STK32A: variants seen among roughly 807,000 people sequenced by gnomAD.
STK32A encodes the protein serine/threonine-protein kinase 32A.
In STK32A, 41 loss-of-function variants were observed where a neutral mutation model predicts 53.2. The ratio of observed to expected loss-of-function variants is 0.77; its 90% CI spans 0.60 to 1.00. The LOEUF (loss-of-function observed/expected upper bound fraction) is 1.00, where lower values mean the gene tolerates loss of function less well. Ranked by LOEUF, STK32A falls within the 50% of genes least tolerant of loss-of-function variation. The pLI, the probability that STK32A is intolerant of heterozygous loss-of-function variation, is 0.00. For synonymous variants in STK32A, 166 were observed against 162.8 expected (o/e 1.02, Z -0.15); for missense variants, 458 against 485.8 (o/e 0.94, Z 0.54).
At chr5:147,313,657 C>T (rs910367033) in intron 4 of STK32A, among the ~76,000 whole-genome samples, 15 of 152,190 alleles carry the variant, frequency 9.9e-5, no homozygotes, top group African/African-American at 3.6e-4. Context: ...AGTTGGAGGG[C>T]TCATACTTTT....
At position 147,314,742 on chromosome 5, in the gene STK32A, T is replaced by TTTC. The variant is rs1467741266; in HGVS notation, c.261-9154_261-9153insCTT. On this transcript the variant is annotated intron_variant, in intron 4 of 12. Transcript: ENST00000397936. ...TTCATACCTATTGCTTTCTTTTTCT[T>TTTC]TTTTTTTTTTTTTGAGACAGAATCT... Among the ~76,000 whole-genome samples, 318 of 145,828 alleles carry TTTC rather than the reference T, an allele frequency of 2.2e-3. 2 individuals are homozygous for TTTC. Among genetic ancestry groups the TTTC allele is most frequent in the African/African-American group, 7.4e-3 (297 of 40,076 alleles).
intron 2 of STK32A, among the ~76,000 whole-genome samples, chr5:147,242,082 G>C (rs576606020): frequency 2.6e-5 from 4 of 152,264 alleles, no homozygotes; most frequent in African/African-American, 9.6e-5. Flanking sequence ...GGTTGAAGGA[G>C]AGTTAGGCTT....
intron 6 of STK32A, among the ~76,000 whole-genome samples, chr5:147,346,139 C>T (rs907950512): frequency 3.9e-5 from 6 of 152,168 alleles, no homozygotes; most frequent in African/African-American, 1.4e-4. Flanking sequence ...CTCCCCAGCT[C>T]GTTATGTAGA....
chr5:147,245,836 C>T (rs763171011), intron 2 of STK32A, among the ~76,000 whole-genome samples: 7 of 152,136 alleles, frequency 4.6e-5, no homozygotes, highest in Non-Finnish European at 7.4e-5. Flanking sequence ...TTGGCAACAC[C>T]ATCTCCTAGG....
At chr5:147,367,998 T>G (rs1756842948) in intron 8 of STK32A, among the ~76,000 whole-genome samples, 2 of 152,244 alleles carry the variant, frequency 1.3e-5, no homozygotes, top group African/African-American at 4.8e-5. Context: ...TACAAATTTT[T>G]ATTTACAGAA....
chr5:147,249,189 A>G (rs1753875606), intron 2 of STK32A, among the ~76,000 whole-genome samples: 1 of 152,150 alleles, frequency 6.6e-6, no homozygotes, highest in African/African-American at 2.4e-5. Context: ...TATGCTTAGT[A>G]TTTATGGATT....
At chr5:147,390,894 AAC>A (rs1468179092), downstream of STK32A, 1 of 152,652 alleles carries the variant, frequency 6.6e-6, no homozygotes, top group African/African-American at 2.4e-5. Context: ...CTAAACTCAA[AAC>A]ACAGTTTTGT....
At chr5:147,258,922 T>C (rs1298776472) in intron 2 of STK32A, among the ~76,000 whole-genome samples, 1 of 139,902 alleles carries the variant, frequency 7.1e-6, no homozygotes, top group Non-Finnish European at 1.5e-5. Context: ...TGGCTTTTTT[T>C]TATTATTATT....
At chr5:147,295,778 C>G (rs1360915292) in intron 4 of STK32A, among the ~76,000 whole-genome samples, 2 of 152,126 alleles carry the variant, frequency 1.3e-5, no homozygotes, top group African/African-American at 2.4e-5. Flanking sequence ...AAGCCCTAAA[C>G]AATTGTTAGC....
Position 147,351,092 on chromosome 5 carries a change from T to C in STK32A, c.500T>C (p.Ile167Thr), listed in dbSNP as rs771385861. Residue 167 changes from isoleucine to threonine, a missense_variant, in exon 7 of 13, where the codon ATT becomes ACT. Physicochemically the swap from Ile to Thr is moderately conservative, Grantham distance 89. Transcript: ENST00000397936. Reference protein sequence around the residue: ...HGHVHITDFNIAAMLPRETQI... With the variant: ...HGHVHITDFNTAAMLPRETQI... ...CACGTGCACATCACAGATTTCAACA[T>C]TGCTGCGATGCTGCCCAGGGAGACA... The C allele has an allele frequency of 1.6e-5, 26 of 1,613,868 alleles. No individual in the cohort carries two copies. The highest frequency in any genetic ancestry group is 2.1e-5 in the Non-Finnish European group (25 of 1,179,880).
intron 1 of STK32A, among the ~76,000 whole-genome samples, 169 bp from the exon 2 acceptor site, chr5:147,239,370 T>G (rs1429539643): frequency 1.3e-5 from 2 of 152,198 alleles, no homozygotes; most frequent in Non-Finnish European, 2.9e-5. Context: ...AGCCATGCAG[T>G]GTTTTCTCCT....
At chr5:147,255,557 G>A (rs1444023946) in intron 2 of STK32A, among the ~76,000 whole-genome samples, 1 of 152,176 alleles carries the variant, frequency 6.6e-6, no homozygotes, top group African/African-American at 2.4e-5. Context: ...TAACTTATTG[G>A]ATAGAGCAGT....
At chr5:147,267,579 AC>A (rs2151949773) in intron 2 of STK32A, among the ~76,000 whole-genome samples, 1 of 152,314 alleles carries the variant, frequency 6.6e-6, no homozygotes, top group East Asian at 1.9e-4. Context: ...TATATATGCT[AC>A]TTAATAGACA....
Position 147,334,107 on chromosome 5 carries a change from A to G in STK32A, c.435-8899A>G, listed in dbSNP as rs12657506. Among the ~76,000 whole-genome samples the G allele has an allele frequency of 1.6e-3, 244 of 152,304 alleles. 6 individuals carry two copies. In the East Asian group the frequency reaches 0.045, roughly 28 times the overall value. On this transcript the variant is annotated intron_variant, in intron 5 of 12. Coordinates refer to ENST00000397936, the MANE Select transcript of STK32A (RefSeq NM_001112724.2). The stretch of plus-strand genomic sequence containing the variant: ...AACAACTACGGGCCATTACAAAACC[A>G]TAGGAAATTAGAAGTGAGGAGTAAT...
chr5:147,362,612 C>T (rs983496102), intron 8 of STK32A, among the ~76,000 whole-genome samples: 1 of 152,198 alleles, frequency 6.6e-6, no homozygotes, highest in Non-Finnish European at 1.5e-5. Flanking sequence ...ATATTCATGT[C>T]CTTCTCATAT....
downstream of STK32A, chr5:147,392,397 C>T (rs1047617031): frequency 2.6e-5 from 4 of 152,304 alleles, no homozygotes; most frequent in East Asian, 5.8e-4. Flanking sequence ...TCAACTTATT[C>T]AAACCTGCAG....
intron 2 of STK32A, among the ~76,000 whole-genome samples, chr5:147,276,552 C>G (rs1025280925): frequency 7.9e-5 from 12 of 152,094 alleles, no homozygotes; most frequent in Non-Finnish European, 1.8e-4. Context: ...ATTCTTATAG[C>G]TTAGTTTTAT....
intron 2 of STK32A, among the ~76,000 whole-genome samples, chr5:147,253,272 A>G (rs1754079439): frequency 6.6e-6 from 1 of 152,208 alleles, no homozygotes; most frequent in Non-Finnish European, 1.5e-5. Context: ...CATCTCTGCA[A>G]TAATCCTTTG....
At chr5:147,365,492 C>CA (rs1554108919) in intron 8 of STK32A, among the ~76,000 whole-genome samples, 2 of 146,662 alleles carry the variant, frequency 1.4e-5, no homozygotes, top group Non-Finnish European at 3.0e-5. Context: ...TCCTGATGGG[C>CA]TTTTTTTTTT....
Sources: gnomAD v4.1 joint callset for allele counts (sites outside exome capture counted in the v4.1 genomes callset) on GRCh38, gnomAD v4.1.1 for gene constraint, MANE v1.5 for transcripts, NCBI Gene and HGNC (gene_info 2026-07-23, HGNC 2026-07-21) for gene names.